ADAM23: variants seen among roughly 807,000 people sequenced by gnomAD.
ADAM23 encodes disintegrin and metalloproteinase domain-containing protein 23.
A neutral mutation model predicts 120.1 loss-of-function variants in ADAM23; 33 were observed. The ratio of observed to expected loss-of-function variants is 0.27; its 90% CI spans 0.21 to 0.37. ADAM23 has a LOEUF of 0.37. Ranked by LOEUF, ADAM23 falls within the 10% of genes least tolerant of loss-of-function variation. The pLI is 1.00. For synonymous variants in ADAM23, 367 were observed against 375.2 expected, an observed-to-expected ratio of 0.98 and a Z score of 0.25; for missense variants, 862 against 1,058.2, an observed-to-expected ratio of 0.81 and a Z score of 2.57.
chr2:206,461,447 A>G (rs375911912), intron 2 of ADAM23, among the ~76,000 whole-genome samples: 85 of 152,290 alleles, frequency 5.6e-4, no homozygotes, highest in African/African-American at 2.0e-3. Flanking sequence ...AGAATAATTG[A>G]CTGGCTGTGC....
At chr2:206,584,159 C>G (rs555683182) in intron 18 of ADAM23, among the ~76,000 whole-genome samples, 1 of 152,100 alleles carries the variant, frequency 6.6e-6, no homozygotes, top group African/African-American at 2.4e-5. Context: ...TGAGTCTACC[C>G]GGCTCCAGGC....
intron 24 of ADAM23, among the ~76,000 whole-genome samples, chr2:206,600,507 A>C (rs1698620574): frequency 2.0e-5 from 3 of 152,226 alleles, no homozygotes; most frequent in Admixed American, 1.3e-4. Flanking sequence ...ATAAAAGATA[A>C]ATTGTACCCA....
chr2:206,505,893 C>T (rs1696487611), intron 3 of ADAM23, among the ~76,000 whole-genome samples: 1 of 152,204 alleles, frequency 6.6e-6, no homozygotes, highest in Non-Finnish European at 1.5e-5. Context: ...GAGGCACCCC[C>T]ATATAGCTGC....
chr2:206,571,687 G>T, intron 16 of ADAM23, 40 bp from the exon 17 acceptor site: 2 of 1,483,048 alleles, frequency 1.3e-6, no homozygotes, highest in Non-Finnish European at 1.9e-6. Flanking sequence ...TGACCAGCAG[G>T]TAAGGCTCTT....
chr2:206,516,618 A>G (rs1216943250), intron 3 of ADAM23, among the ~76,000 whole-genome samples: 1 of 152,048 alleles, frequency 6.6e-6, no homozygotes, highest in Non-Finnish European at 1.5e-5. Context: ...CTTAAAAAAG[A>G]GAGGACTTCA....
In ADAM23 at chr2:206,610,012, C is replaced by T. The variant is rs375847899; in HGVS notation, c.2450+12C>T. The T allele has an allele frequency of 2.0e-4, 304 of 1,553,732 alleles. No homozygotes were observed. Among genetic ancestry groups the T allele is most frequent in the Non-Finnish European group, 2.3e-4 (270 of 1,159,094 alleles). The stretch of plus-strand genomic sequence containing the variant: ...GGCTGGGGATTTAAGTAAGCAACGC[C>T]GCATGTCTTCTTCTCAGTGGCTCTG... On this transcript the variant is annotated intron_variant, in intron 25 of 25. Transcript: ENST00000264377.
chr2:206,583,176 C>T (rs566164545), intron 18 of ADAM23, among the ~76,000 whole-genome samples: 33 of 152,314 alleles, frequency 2.2e-4, no homozygotes, highest in Non-Finnish European at 4.1e-4. Context: ...TTCCTCCGGC[C>T]GGGCACAGTG....
At chr2:206,471,165 A>G (rs1027361970) in intron 2 of ADAM23, among the ~76,000 whole-genome samples, 3 of 152,186 alleles carry the variant, frequency 2.0e-5, no homozygotes, top group Non-Finnish European at 4.4e-5. Context: ...GTTTTCAGTA[A>G]TTTATTAGTG....
rs571277491 is a variant in ADAM23 at position 206,597,161 on chromosome 2, C to T, written c.2359+999C>T. 9.3e-5 allele frequency among the ~76,000 whole-genome samples: 14 copies of T among 150,222 alleles called. No homozygotes were observed. In the East Asian group the frequency reaches 9.8e-4, roughly 11 times the overall value. On this transcript the variant is annotated intron_variant, in intron 24 of 25. Coordinates refer to ENST00000264377, the MANE Select transcript of ADAM23 (RefSeq NM_003812.4). The stretch of plus-strand genomic sequence containing the variant: ...GATTATAGGTGTGAACCACTGCACC[C>T]GCCCCTCTTACATCATCTTTTTTTT...
In ADAM23 at chr2:206,444,073, G is replaced by A; in HGVS notation, c.207G>A (p.Ala69=). Residue 69 remains alanine, a synonymous_variant, in exon 1 of 26, where the codon GCG becomes GCA. Transcript: ENST00000264377. ...GGCCCCGCGCCTGGGGGGCTGCTGC[G>A]CCCAGCGGTGGGTATGGCCCCGTGC... ...SSRPRAWGAA[A]PSAPHWNETA... The A allele has an allele frequency of 7.3e-7, 1 of 1,362,170 alleles. No homozygotes were observed. Among genetic ancestry groups the A allele is most frequent in the Non-Finnish European group, 9.5e-7 (1 of 1,056,568 alleles). 84.4% of individuals were successfully genotyped at this position (1,362,170 alleles called of 1,614,324 possible).
chr2:206,482,593 C>A (rs1695919632), intron 3 of ADAM23, among the ~76,000 whole-genome samples: 1 of 152,062 alleles, frequency 6.6e-6, no homozygotes, highest in African/African-American at 2.4e-5. Flanking sequence ...GGCCAGGGTA[C>A]TTAGAGGTCT....
chr2:206,561,358 A>C (rs1399960569), intron 12 of ADAM23, 146 bp downstream of exon 12: 3 of 705,332 alleles, frequency 4.3e-6, no homozygotes, highest in Non-Finnish European at 7.1e-6. Context: ...ATAGAACCCA[A>C]CGTGGTCCTT....
chr2:206,614,309 G>A (rs1325852633), intron 25 of ADAM23, among the ~76,000 whole-genome samples: 1 of 152,124 alleles, frequency 6.6e-6, no homozygotes, highest in Non-Finnish European at 1.5e-5. Flanking sequence ...TTAAAGAAAA[G>A]GCTGTTTATG....
intron 21 of ADAM23, among the ~76,000 whole-genome samples, chr2:206,591,596 A>C (rs1698426902): frequency 1.3e-5 from 2 of 152,208 alleles, no homozygotes; most frequent in African/African-American, 4.8e-5. Flanking sequence ...GTTAGGAACC[A>C]TGCTGCTATG....
At chr2:206,499,790 A>G (rs1559235923) in intron 3 of ADAM23, among the ~76,000 whole-genome samples, 1 of 152,098 alleles carries the variant, frequency 6.6e-6, no homozygotes, top group East Asian at 1.9e-4. Flanking sequence ...AGTAAATAAT[A>G]TGTCTATTTT....
intron 3 of ADAM23, among the ~76,000 whole-genome samples, chr2:206,492,504 T>G (rs919808569): frequency 5.9e-5 from 9 of 152,158 alleles, no homozygotes; most frequent in African/African-American, 2.2e-4. Flanking sequence ...TGGGCAATAT[T>G]TATATATTGT....
intron 18 of ADAM23, among the ~76,000 whole-genome samples, chr2:206,578,598 T>C (rs571933219): frequency 1.5e-4 from 23 of 152,174 alleles, no homozygotes; most frequent in Non-Finnish European, 3.2e-4. Context: ...ACACACACAC[T>C]ACAGTTTCTT....
Position 206,547,487 on chromosome 2 carries a change from A to ATACTG in ADAM23, c.779_780insTACTG (p.Gln260HisfsTer4). 1 of 1,611,842 alleles carries ATACTG rather than the reference A, an allele frequency of 6.2e-7. No individual in the cohort carries two copies. Among genetic ancestry groups the ATACTG allele is most frequent in the Non-Finnish European group, 8.5e-7 (1 of 1,178,422 alleles). ...ACCTTGGCAGGACAGTATTCTAAGC[A>ATACTG]AATGAAGAATCTCAGTAAGTTTTAA... On this transcript the variant is annotated frameshift_variant, in exon 7 of 26. Coordinates refer to ENST00000264377, the MANE Select transcript of ADAM23 (RefSeq NM_003812.4). LOFTEE classifies it high-confidence loss of function.
At chr2:206,528,962 T>C (rs1300462026) in intron 3 of ADAM23, among the ~76,000 whole-genome samples, 1 of 152,184 alleles carries the variant, frequency 6.6e-6, no homozygotes, top group African/African-American at 2.4e-5. Context: ...ATGCGAGTTA[T>C]CACTTGTCAT....
Sources: allele counts gnomAD v4.1 joint callset (sites outside exome capture counted in the v4.1 genomes callset), GRCh38; gene constraint gnomAD v4.1.1; transcripts MANE v1.5; gene names NCBI Gene and HGNC (gene_info 2026-07-23, HGNC 2026-07-21).